Variants in UNC5C observed in about 807,000 individuals in gnomAD.
The protein encoded by UNC5C is netrin receptor UNC5C.
In UNC5C, 47 loss-of-function variants were observed where a neutral mutation model predicts 99.8. That is an observed-to-expected ratio of 0.47 (90% confidence interval 0.37 to 0.60). The LOEUF (loss-of-function observed/expected upper bound fraction) is 0.60, where lower values mean the gene tolerates loss of function less well. UNC5C is among the 20% of genes least tolerant of loss of function. UNC5C has a pLI of 0.00. For synonymous variants in UNC5C, 487 were observed against 452.2 expected, an observed-to-expected ratio of 1.08 and a Z score of -0.98; for missense variants, 1,062 against 1,165.9, an observed-to-expected ratio of 0.91 and a Z score of 1.30.
chr4:95,333,330 A>G (rs907257154), intron 2 of UNC5C, among the ~76,000 whole-genome samples: 24 of 152,336 alleles, frequency 1.6e-4, no homozygotes, highest in African/African-American at 5.8e-4. Context: ...CCAAATGTCC[A>G]ACAACGATAG....
At position 95,308,751 on chromosome 4, in the gene UNC5C, CAAAAAAAAAAAAAAA is replaced by C. The variant is rs59626139; in HGVS notation, c.347-7017_347-7003del. Among the ~76,000 whole-genome samples the C allele has an allele frequency of 7.3e-3, 251 of 34,418 alleles. 1 individual carries two copies. Among genetic ancestry groups the C allele is most frequent in the African/African-American group, 0.02 (174 of 8,770 alleles). The allele number at this position is 34,418 out of a possible 152,430, so 22.6% of individuals were successfully genotyped here. On this transcript the variant is annotated intron_variant, in intron 2 of 15. Transcript: ENST00000453304. ...TGGCTGACAGAGTGAGACTCTGTCT[CAAAAAAAAAAAAAAA>C]AAAAAAAAAAAAAAAAAGAACAAGA... is the stretch of plus-strand genomic sequence containing the variant.
At chr4:95,193,784 T>A (rs546653178) in intron 12 of UNC5C, among the ~76,000 whole-genome samples, 49 of 152,262 alleles carry the variant, frequency 3.2e-4, no homozygotes, top group African/African-American at 1.1e-3. Flanking sequence ...CAGCCCCCCA[T>A]GCTCTGTCCC....
intron 1 of UNC5C, among the ~76,000 whole-genome samples, chr4:95,455,703 T>C (rs980320025): frequency 6.6e-6 from 1 of 152,104 alleles, no homozygotes; most frequent in Non-Finnish European, 1.5e-5. Context: ...CCTTTATTAC[T>C]TATTTTTCCA....
chr4:95,213,002 G>A (rs913149958), intron 10 of UNC5C, among the ~76,000 whole-genome samples: 1 of 152,156 alleles, frequency 6.6e-6, no homozygotes, highest in African/African-American at 2.4e-5. Context: ...GAGTCCTTCT[G>A]TTCCCTCCAC....
At chr4:95,231,143 G>A (rs1738896376) in intron 7 of UNC5C, among the ~76,000 whole-genome samples, 1 of 151,994 alleles carries the variant, frequency 6.6e-6, no homozygotes, top group African/African-American at 2.4e-5. Context: ...CTATATGTAG[G>A]TGTCTGGGCA....
At chr4:95,537,809 C>A (rs1053942370) in intron 1 of UNC5C, among the ~76,000 whole-genome samples, 1 of 152,092 alleles carries the variant, frequency 6.6e-6, no homozygotes, top group African/African-American at 2.4e-5. Flanking sequence ...TTTCTAATTT[C>A]GTTACTCTCT....
intron 1 of UNC5C, among the ~76,000 whole-genome samples, chr4:95,511,379 C>T (rs1280887661): frequency 6.6e-6 from 1 of 152,002 alleles, no homozygotes; most frequent in African/African-American, 2.4e-5. Flanking sequence ...ATTTTTATGG[C>T]AGGCTAGACA....
chr4:95,437,106 C>T (rs1746818839), intron 1 of UNC5C, among the ~76,000 whole-genome samples: 1 of 149,900 alleles, frequency 6.7e-6, no homozygotes, highest in Non-Finnish European at 1.5e-5. Context: ...TTAAGCAAAA[C>T]AGAAACCATT....
chr4:95,402,661 T>G (rs1745732575), intron 1 of UNC5C, among the ~76,000 whole-genome samples: 1 of 152,222 alleles, frequency 6.6e-6, no homozygotes, highest in Admixed American at 6.5e-5. Context: ...CCTCTATCAC[T>G]ATATAAATAT....
chr4:95,247,538 G>C (rs928838716), intron 5 of UNC5C, among the ~76,000 whole-genome samples: 1 of 152,142 alleles, frequency 6.6e-6, no homozygotes, highest in Non-Finnish European at 1.5e-5. Flanking sequence ...AATTTTCAGA[G>C]ATGAAAAAGT....
chr4:95,213,688 T>G (rs1865378), intron 10 of UNC5C, among the ~76,000 whole-genome samples: 116,302 of 152,142 alleles, frequency 0.76, 45,429 homozygotes, highest in African/African-American at 0.92. Flanking sequence ...GCAATAAAAG[T>G]AATCAGAGAG....
chr4:95,234,380 C>CCTTT (rs1553956101), intron 7 of UNC5C, among the ~76,000 whole-genome samples: 1 of 108,208 alleles, frequency 9.2e-6, no homozygotes, highest in African/African-American at 3.6e-5. Context: ...AAATCGCTTA[C>CCTTT]CTTTTTTTTA....
At chr4:95,352,898 T>A (rs541891250) in intron 1 of UNC5C, among the ~76,000 whole-genome samples, 1 of 152,274 alleles carries the variant, frequency 6.6e-6, no homozygotes, top group Admixed American at 6.6e-5. Flanking sequence ...CATCATTACA[T>A]TAGCATTCCC....
At chr4:95,501,490 A>G (rs958673236) in intron 1 of UNC5C, among the ~76,000 whole-genome samples, 2 of 152,140 alleles carry the variant, frequency 1.3e-5, no homozygotes, top group Admixed American at 1.3e-4. Flanking sequence ...AAAACTTTTC[A>G]TAGGGCAAAG....
intron 1 of UNC5C, among the ~76,000 whole-genome samples, chr4:95,349,615 A>G (rs1454873363): frequency 1.3e-5 from 2 of 151,810 alleles, no homozygotes; most frequent in Non-Finnish European, 2.9e-5. Context: ...ATATTCCCAC[A>G]TGCAACCTAT....
intron 1 of UNC5C, among the ~76,000 whole-genome samples, chr4:95,400,226 C>T (rs1421524727): frequency 6.6e-6 from 1 of 151,994 alleles, no homozygotes; most frequent in Non-Finnish European, 1.5e-5. Context: ...TCTTTCCCAT[C>T]ATTAGGTTAC....
intron 1 of UNC5C, among the ~76,000 whole-genome samples, chr4:95,421,372 A>G (rs1394466389): frequency 6.6e-6 from 1 of 152,196 alleles, no homozygotes. Context: ...GCCACCCTTC[A>G]TTTCTAGGAT....
At position 95,371,742 on chromosome 4, in the gene UNC5C, T is replaced by A. The variant is rs114808710; in HGVS notation, c.125-36111A>T. Among the ~76,000 whole-genome samples the A allele has an allele frequency of 4.9e-3, 746 of 152,224 alleles. 6 individuals are homozygous for A. The highest frequency in any genetic ancestry group is 0.017 in the African/African-American group (714 of 41,546). On this transcript the variant is annotated intron_variant, in intron 1 of 15. Transcript: ENST00000453304. ...TGTTCAATAAATAGTTTTTCACAGC[T>A]CAAAACCTCACAGTAGCATAAAGGA...
At chr4:95,254,795 A>T (rs150083626) in intron 4 of UNC5C, among the ~76,000 whole-genome samples, 3 of 152,250 alleles carry the variant, frequency 2.0e-5, no homozygotes, top group Admixed American at 6.5e-5. Context: ...TCACTCTAAG[A>T]TACTGAATTC....
Sources: gnomAD v4.1 joint callset for allele counts (sites outside exome capture counted in the v4.1 genomes callset) on GRCh38, gnomAD v4.1.1 for gene constraint, MANE v1.5 for transcripts, NCBI Gene and HGNC (gene_info 2026-07-23, HGNC 2026-07-21) for gene names.